BNC2: variants seen among roughly 807,000 people sequenced by gnomAD.
BNC2 encodes the protein zinc finger protein basonuclin-2.
A neutral mutation model predicts 76.3 loss-of-function variants in BNC2; 20 were observed. The ratio of observed to expected loss-of-function variants is 0.26; its 90% confidence interval spans 0.18 to 0.38. The LOEUF is 0.38. BNC2 is among the 10% of genes least tolerant of loss of function. The pLI is 1.00. For missense variants in BNC2, 1,382 were observed against 1,399.8 expected (o/e 0.99, Z 0.20); for synonymous variants, 582 against 514.8 (o/e 1.13, Z -1.77).
intron 3 of BNC2, among the ~76,000 whole-genome samples, chr9:16,599,017 C>G (rs1241412603): frequency 1.3e-5 from 2 of 152,182 alleles, no homozygotes; most frequent in Admixed American, 6.5e-5. Context: ...AAACTTTAGT[C>G]TCTCCAATAT....
chr9:16,620,576 T>C (rs1209290037), intron 3 of BNC2, among the ~76,000 whole-genome samples: 4 of 152,098 alleles, frequency 2.6e-5, no homozygotes, highest in Admixed American at 6.6e-5. Flanking sequence ...ACAAAAGATA[T>C]GGAAGCAAAC....
At chr9:16,835,758 C>T (rs553534916) in intron 1 of BNC2, among the ~76,000 whole-genome samples, 8 of 152,284 alleles carry the variant, frequency 5.3e-5, no homozygotes, top group African/African-American at 1.9e-4. Flanking sequence ...CTATTGTGTG[C>T]AAGGCACAGT....
At chr9:16,562,198 G>T (rs1198212700) in intron 4 of BNC2, among the ~76,000 whole-genome samples, 1 of 152,048 alleles carries the variant, frequency 6.6e-6, no homozygotes, top group Admixed American at 6.6e-5. Context: ...GTAATGTATT[G>T]CTCTTTAGAA....
chr9:16,845,965 C>T (rs528536399), intron 1 of BNC2, among the ~76,000 whole-genome samples: 202 of 151,880 alleles, frequency 1.3e-3, no homozygotes, highest in African/African-American at 4.5e-3. Flanking sequence ...CTGGCTAACA[C>T]GGTGAAACCC....
intron 1 of BNC2, among the ~76,000 whole-genome samples, chr9:16,810,892 A>G (rs748158314): frequency 7.9e-5 from 12 of 152,024 alleles, no homozygotes; most frequent in Non-Finnish European, 1.0e-4. Flanking sequence ...AATCTCCCCA[A>G]ATTTTTTTTA....
chr9:16,522,683 C>T (rs960586166), intron 5 of BNC2, among the ~76,000 whole-genome samples: 1 of 152,068 alleles, frequency 6.6e-6, no homozygotes, highest in Non-Finnish European at 1.5e-5. Flanking sequence ...AACGATAAAG[C>T]ACAACACTTA....
chr9:16,774,322 T>C (rs1370247718), intron 1 of BNC2, among the ~76,000 whole-genome samples: 1 of 152,150 alleles, frequency 6.6e-6, no homozygotes, highest in African/African-American at 2.4e-5. Flanking sequence ...TACTATTCGT[T>C]ACATCTGATA....
intron 3 of BNC2, among the ~76,000 whole-genome samples, chr9:16,679,302 C>T (rs1343365733): frequency 6.6e-6 from 1 of 152,166 alleles, no homozygotes; most frequent in African/African-American, 2.4e-5. Flanking sequence ...TATAAAAATT[C>T]ATTAAATAAT....
chr9:16,764,154 T>C (rs542023348), intron 1 of BNC2, among the ~76,000 whole-genome samples: 2 of 152,190 alleles, frequency 1.3e-5, no homozygotes, highest in Non-Finnish European at 2.9e-5. Flanking sequence ...AACCCACCCT[T>C]GGGGTGTGTA....
chr9:16,870,196 C>A (rs928665039), intron 1 of BNC2, among the ~76,000 whole-genome samples: 1 of 151,950 alleles, frequency 6.6e-6, no homozygotes, highest in South Asian at 2.1e-4. Context: ...CCTCACTCGG[C>A]GGCAAGTTGT....
chr9:16,865,128 G>C (rs757387009), intron 1 of BNC2, among the ~76,000 whole-genome samples: 6 of 151,620 alleles, frequency 4.0e-5, no homozygotes, highest in Non-Finnish European at 7.4e-5. Flanking sequence ...GTTTTGTGTA[G>C]GTTGTTACAT....
intron 3 of BNC2, among the ~76,000 whole-genome samples, chr9:16,590,116 A>G (rs1032412754): frequency 3.9e-5 from 6 of 152,078 alleles, no homozygotes; most frequent in African/African-American, 1.4e-4. Flanking sequence ...AAAATTAGCC[A>G]GTATGTACAG....
chr9:16,459,916 C>A (rs1057169359), intron 5 of BNC2, among the ~76,000 whole-genome samples: 1 of 152,134 alleles, frequency 6.6e-6, no homozygotes, highest in East Asian at 1.9e-4. Context: ...TCTGAAACGG[C>A]TTTGAGAAAG....
intron 3 of BNC2, among the ~76,000 whole-genome samples, chr9:16,633,771 G>C (rs982537145): frequency 1.3e-5 from 2 of 152,064 alleles, no homozygotes; most frequent in African/African-American, 4.8e-5. Context: ...GTTTATTTCT[G>C]TGATGGCTAC....
chr9:16,448,749 G>A (rs964074576), intron 5 of BNC2, among the ~76,000 whole-genome samples: 17 of 152,222 alleles, frequency 1.1e-4, no homozygotes, highest in African/African-American at 2.2e-4. Flanking sequence ...AAGAATAGCC[G>A]TAGAACACAA....
intron 3 of BNC2, among the ~76,000 whole-genome samples, chr9:16,722,104 T>A (rs1314061730): frequency 6.6e-6 from 1 of 152,164 alleles, no homozygotes; most frequent in African/African-American, 2.4e-5. Context: ...GGCACCAGAA[T>A]TTGTGTTTTT....
intron 1 of BNC2, among the ~76,000 whole-genome samples, chr9:16,767,122 A>G (rs1049116189): frequency 1.3e-5 from 2 of 152,240 alleles, no homozygotes; most frequent in African/African-American, 4.8e-5. Flanking sequence ...AGATCGTAAG[A>G]GTGAGGGAGA....
chr9:16,654,497 C>T (rs1259509292), intron 3 of BNC2, among the ~76,000 whole-genome samples: 1 of 152,130 alleles, frequency 6.6e-6, no homozygotes, highest in Non-Finnish European at 1.5e-5. Flanking sequence ...CAGACCAAAA[C>T]ATAACAACAG....
chr9:16,832,368 GA>G, intron 1 of BNC2: 4 of 1,202,276 alleles, frequency 3.3e-6, no homozygotes, highest in Non-Finnish European at 4.3e-6. Flanking sequence ...ACAGAACAGA[GA>G]ACACAATATG....
Sources: gnomAD v4.1 joint callset for allele counts (sites outside exome capture counted in the v4.1 genomes callset) on GRCh38, gnomAD v4.1.1 for gene constraint, MANE v1.5 for transcripts, NCBI Gene and HGNC (gene_info 2026-07-23, HGNC 2026-07-21) for gene names.